The following TCF12 variants were observed in gnomAD, a reference collection of about 807,000 sequenced individuals.
TCF12 encodes DNA-binding protein HTF4.
TCF12 carries 45 observed loss-of-function variants against 86.0 expected under a neutral mutation model. The observed-to-expected ratio is 0.52, with a 90% confidence interval of 0.41 to 0.67. The LOEUF is 0.67. Among genes scored for constraint, TCF12 ranks in the 30% least tolerant of loss-of-function variants. The pLI is 0.00. For synonymous variants in TCF12, 330 were observed against 299.6 expected (o/e 1.10, Z -1.05); for missense variants, 881 against 859.9 (o/e 1.02, Z -0.31).
At chr15:56,930,576 T>G (rs560967008) in intron 3 of TCF12, among the ~76,000 whole-genome samples, 1 of 152,334 alleles carries the variant, frequency 6.6e-6, no homozygotes, top group South Asian at 2.1e-4. Flanking sequence ...GAAAAGTGTT[T>G]CATGTTGAAT....
intron 7 of TCF12, among the ~76,000 whole-genome samples, chr15:57,197,340 G>A (rs553099334): frequency 6.6e-6 from 1 of 151,584 alleles, no homozygotes; most frequent in Non-Finnish European, 1.5e-5. Context: ...TGTATTTTTA[G>A]TAGAGATGGG....
At chr15:56,992,118 A>C (rs2063489034) in intron 3 of TCF12, among the ~76,000 whole-genome samples, 1 of 151,776 alleles carries the variant, frequency 6.6e-6, no homozygotes. Flanking sequence ...GAAAAAAAAA[A>C]AACCTAGTTG....
chr15:57,075,804 T>TTCTCTC (rs1244304206), intron 4 of TCF12, among the ~76,000 whole-genome samples: 411 of 28,578 alleles, frequency 0.014, 38 homozygotes, highest in Non-Finnish European at 0.019. Flanking sequence ...CTTTCTTTCT[T>TTCTCTC]TCTCTCTCTC....
chr15:57,218,892 C>A, intron 8 of TCF12: 1 of 277,684 alleles, frequency 3.6e-6, no homozygotes, highest in Non-Finnish European at 5.7e-6. Context: ...TTTGTTCTAG[C>A]TAGTTAAGAG....
At chr15:57,081,264 A>G (rs1215876572) in intron 4 of TCF12, among the ~76,000 whole-genome samples, 1 of 152,150 alleles carries the variant, frequency 6.6e-6, no homozygotes, top group East Asian at 1.9e-4. Context: ...TTCAGTTCAC[A>G]ATAGTTCTAT....
chr15:57,253,295 G>T lies in TCF12; in HGVS notation c.1294G>T (p.Asp432Tyr). Residue 432 changes from aspartate (D) to tyrosine (Y), a missense_variant, in exon 16 of 21, where the codon GAT becomes TAT. By Grantham distance (160) the Asp-to-Tyr change is radical. Around this residue, in one of 3 missense-constraint regions of TCF12, gnomAD observed 766 missense variants for 718.9 expected, o/e 1.07. Transcript: ENST00000333725. ...AATGGAGGATCGTTTAGACAGACTG[G>T]ATGATGCAATCCATGTGCTGCGGAA... ...SRMEDRLDRL[D>Y]DAIHVLRNHA... 6.2e-7 allele frequency: 1 copy of T among 1,613,902 alleles called. No individual in the cohort carries two copies. The highest frequency in any genetic ancestry group is 8.5e-7 in the Non-Finnish European group (1 of 1,179,922).
At chr15:57,179,791 T>C (rs1356166660) in intron 6 of TCF12, among the ~76,000 whole-genome samples, 1 of 152,020 alleles carries the variant, frequency 6.6e-6, no homozygotes, top group African/African-American at 2.4e-5. Flanking sequence ...TTTTTCTGTT[T>C]CCCCCCTTCT....
intron 16 of TCF12, among the ~76,000 whole-genome samples, chr15:57,259,266 A>C (rs2060479310): frequency 6.6e-6 from 1 of 152,230 alleles, no homozygotes; most frequent in African/African-American, 2.4e-5. Context: ...TTTCTAGTAA[A>C]ACCTCTCTTC....
intron 5 of TCF12, among the ~76,000 whole-genome samples, chr15:57,119,449 G>A (rs1006284810): frequency 6.7e-6 from 1 of 148,550 alleles, no homozygotes; most frequent in Non-Finnish European, 1.5e-5. Flanking sequence ...CACCGTACCC[G>A]GTCCACAGCT....
intron 3 of TCF12, among the ~76,000 whole-genome samples, chr15:56,963,027 CTTT>C (rs532973260): frequency 0.014 from 1,385 of 96,214 alleles, 13 homozygotes; most frequent in African/African-American, 0.047. Flanking sequence ...GTGTTAAGGT[CTTT>C]TTTTTTTTTT....
rs527996461 is a variant in TCF12, at chr15:57,036,938, T to C, written c.149-26812T>C. Among the ~76,000 whole-genome samples the C allele has an allele frequency of 2.0e-5, 3 of 152,218 alleles. No homozygotes were observed. The South Asian group carries it at 6.2e-4, about 32-fold the overall frequency. On this transcript the variant is annotated intron_variant, in intron 3 of 20. Coordinates refer to ENST00000333725, the MANE Select transcript of TCF12 (RefSeq NM_207037.2). Reference sequence around the variant, plus strand: ...GTGTAGAAGTTTTTGAACATTTCCTTATAGTAAGTCAAAGGATTGGGACAG... The same window carrying C: ...GTGTAGAAGTTTTTGAACATTTCCTCATAGTAAGTCAAAGGATTGGGACAG...
chr15:57,232,856 G>T lies in TCF12; in HGVS notation c.970G>T (p.Gly324Ter). The T allele has an allele frequency of 6.4e-7, 1 of 1,555,208 alleles. No homozygotes were observed. The highest frequency in any genetic ancestry group is 8.7e-7 in the Non-Finnish European group (1 of 1,151,998). The change falls in exon 11 of 21, where the codon GGA becomes TGA. Residue 324 changes from glycine to a stop codon, truncating the protein, a stop_gained and splice_region_variant. Transcript: ENST00000333725. LOFTEE classifies it high-confidence loss of function. Reference sequence around the variant, plus strand: ...CATCAATGGATCAGACAGCATTCTAGGTGAGCTTTTTGAGTTGGCAAAACT... The same window carrying T: ...CATCAATGGATCAGACAGCATTCTATGTGAGCTTTTTGAGTTGGCAAAACT... Reference protein sequence around the residue: ...PPINGSDSILGTRGNAAGSSQ... With the variant: ...PPINGSDSIL
chr15:56,920,331 A>C (rs2059725358), intron 2 of TCF12, among the ~76,000 whole-genome samples: 1 of 152,068 alleles, frequency 6.6e-6, no homozygotes, highest in South Asian at 2.1e-4. Context: ...TATATGAAAA[A>C]GTGTTGTTTT....
intron 3 of TCF12, among the ~76,000 whole-genome samples, chr15:56,929,873 C>A (rs1396698901): frequency 6.6e-6 from 1 of 152,108 alleles, no homozygotes; most frequent in Non-Finnish European, 1.5e-5. Flanking sequence ...TGAATTTGAA[C>A]TGAGGGAGTT....
intron 4 of TCF12, among the ~76,000 whole-genome samples, chr15:57,068,197 G>A (rs1008851238): frequency 2.0e-5 from 3 of 152,122 alleles, no homozygotes; most frequent in African/African-American, 7.2e-5. Context: ...GTGAAATGGG[G>A]ATAATGATAT....
At chr15:57,019,849 C>T (rs769113721) in intron 3 of TCF12, among the ~76,000 whole-genome samples, 1 of 152,038 alleles carries the variant, frequency 6.6e-6, no homozygotes, top group African/African-American at 2.4e-5. Flanking sequence ...AGAATTCATG[C>T]CCCTCCTGTA....
intron 3 of TCF12, among the ~76,000 whole-genome samples, chr15:57,025,223 G>A (rs574736057): frequency 4.9e-4 from 75 of 152,246 alleles, no homozygotes; most frequent in African/African-American, 1.8e-3. Flanking sequence ...GGGACTACAG[G>A]CGCCTGCTAC....
intron 6 of TCF12, among the ~76,000 whole-genome samples, chr15:57,176,806 G>A (rs1416739550): frequency 3.3e-5 from 5 of 152,312 alleles, no homozygotes; most frequent in Middle Eastern, 3.4e-3. Context: ...AAGAGCAGGT[G>A]CAGTAAGTAA....
chr15:56,960,847 T>A (rs1300065051), intron 3 of TCF12, among the ~76,000 whole-genome samples: 1 of 152,184 alleles, frequency 6.6e-6, no homozygotes, highest in Non-Finnish European at 1.5e-5. Flanking sequence ...GTTTAAAAAA[T>A]TAATTTATTA....
Sources: allele counts gnomAD v4.1 joint callset (sites outside exome capture counted in the v4.1 genomes callset), GRCh38; gene constraint gnomAD v4.1.1; regional missense constraint gnomAD v4.1.1; transcripts MANE v1.5; gene names NCBI Gene and HGNC (gene_info 2026-07-23, HGNC 2026-07-21).